LIPI: variants seen among roughly 807,000 people sequenced by gnomAD.
LIPI encodes the protein lipase I.
In LIPI, 59 loss-of-function variants were observed where a neutral mutation model predicts 50.6. The ratio of observed to expected loss-of-function variants is 1.16; its 90% CI spans 0.94 to 1.45. The LOEUF (loss-of-function observed/expected upper bound fraction) is 1.45. Among genes scored for constraint, LIPI ranks in the 40% most tolerant of loss-of-function variants. The probability of loss-of-function intolerance (pLI) is 0.00; values close to 1 mark genes in which losing one functional copy is unlikely to be tolerated. For missense variants in LIPI, 586 were observed against 536.3 expected, an observed-to-expected ratio of 1.09 and a Z score of -0.92; for synonymous variants, 203 against 178.2, an observed-to-expected ratio of 1.14 and a Z score of -1.11.
rs141548461 is a variant in LIPI, at chr21:14,186,019, C to G, written c.483G>C (p.Gly161=). The G allele has an allele frequency of 7.5e-6, 12 of 1,607,892 alleles. No individual in the cohort carries two copies. Among genetic ancestry groups the G allele is most frequent in the Non-Finnish European group, 9.4e-6 (11 of 1,174,576 alleles). The change falls in exon 3 of 10, where the codon GGG becomes GGC. Residue 161 remains glycine (G), a synonymous_variant. Coordinates refer to ENST00000681601, the MANE Select transcript of LIPI (RefSeq NM_001302998.2). ...TTCCAACAAATCCACTGATATGAGC[C>G]CCTAAGCTCACACCTATGAAATGAA... ...DNFHFIGVSL[G]AHISGFVGKI...
intron 9 of LIPI, among the ~76,000 whole-genome samples, chr21:14,141,998 C>A (rs1350666481): frequency 6.6e-6 from 1 of 152,124 alleles, no homozygotes; most frequent in South Asian, 2.1e-4. Flanking sequence ...TAATTATACT[C>A]CAACTTTACA....
At chr21:14,156,989 C>G (rs1272456628) in intron 7 of LIPI, among the ~76,000 whole-genome samples, 1 of 151,866 alleles carries the variant, frequency 6.6e-6, no homozygotes, top group Non-Finnish European at 1.5e-5. Context: ...AGAATCCTCA[C>G]TACATCGTGG....
rs1263224911 is a variant in LIPI at position 14,203,223 on chromosome 21, T to C, written c.46+7577A>G. 2.0e-5 allele frequency among the ~76,000 whole-genome samples: 3 copies of C among 152,018 alleles called. No homozygotes were observed. The South Asian group carries it at 6.2e-4, about 31-fold the overall frequency. On this transcript the variant is annotated intron_variant, in intron 1 of 9. Coordinates refer to ENST00000681601, the MANE Select transcript of LIPI (RefSeq NM_001302998.2). ...GGATGTGGAGAAATAGGAACACTTT[T>C]ACACTGTTGGTGGGACTGTAAACTA...
chr21:14,204,298 A>G (rs1029588598), intron 1 of LIPI, among the ~76,000 whole-genome samples: 2 of 151,754 alleles, frequency 1.3e-5, no homozygotes, highest in Non-Finnish European at 2.9e-5. Flanking sequence ...TTTAAAAAAG[A>G]GGTAGAAGGG....
intron 6 of LIPI, among the ~76,000 whole-genome samples, chr21:14,164,712 T>C (rs2018614250): frequency 6.6e-6 from 1 of 152,194 alleles, no homozygotes; most frequent in Non-Finnish European, 1.5e-5. Context: ...TGGCAGGTTT[T>C]AGTTATCAGA....
At chr21:14,166,523 C>CCTATAAAATCCATTGAAAGTTACT in intron 4 of LIPI, 72 bp from the exon 5 acceptor site, 5 of 799,012 alleles carry the variant, frequency 6.3e-6, no homozygotes, top group South Asian at 1.4e-5. Context: ...AACAAAATAG[C>CCTATAAAATCCATTGAAAGTTACT]CTATAAAATC....
intron 9 of LIPI, among the ~76,000 whole-genome samples, chr21:14,120,274 G>C (rs939253334): frequency 6.6e-6 from 1 of 152,194 alleles, no homozygotes; most frequent in Non-Finnish European, 1.5e-5. Context: ...GGTGGCCAAG[G>C]CCCGCCCCCT....
chr21:14,189,540 C>A lies in LIPI; in HGVS notation c.47-121G>T. ...GGATTTCATTTCATGAGCCCTTCAA[C>A]ATAATTTACTGAGCAACTGCAATGT... is the stretch of plus-strand genomic sequence containing the variant. On this transcript the variant is annotated intron_variant, in intron 1 of 9. Transcript: ENST00000681601. The A allele has an allele frequency of 3.5e-6, 3 of 852,650 alleles. No individual in the cohort carries two copies. In the South Asian group the frequency reaches 4.9e-5, roughly 14 times the overall value. The allele number at this position is 852,650 out of a possible 1,614,324, so 52.8% of individuals were successfully genotyped here.
chr21:14,149,567 G>C (rs9976076), intron 8 of LIPI, among the ~76,000 whole-genome samples: 3 of 152,064 alleles, frequency 2.0e-5, no homozygotes, highest in Non-Finnish European at 4.4e-5. Flanking sequence ...TTGAGACAAG[G>C]TTAGTCCCTT....
At chr21:14,109,174 G>T in intron 9 of LIPI, 94 bp from the exon 10 acceptor site, 2 of 934,580 alleles carry the variant, frequency 2.1e-6, no homozygotes, top group Non-Finnish European at 3.5e-6. Flanking sequence ...AATAGTCCAT[G>T]CCTGTAACTA....
chr21:14,166,280 C>T (rs2018679741), intron 5 of LIPI, 82 bp downstream of exon 5: 1 of 846,842 alleles, frequency 1.2e-6, no homozygotes, highest in Non-Finnish European at 2.0e-6. Flanking sequence ...ACACTGCCTA[C>T]AGATTAAGAG....
chr21:14,154,407 G>T (rs1030589117), intron 7 of LIPI, among the ~76,000 whole-genome samples: 1 of 152,008 alleles, frequency 6.6e-6, no homozygotes, highest in South Asian at 2.1e-4. Context: ...GACTGAGAAA[G>T]ACTACTATTG....
In LIPI at chr21:14,165,370, T is replaced by G; in HGVS notation, c.754A>C (p.Asn252His). The G allele has an allele frequency of 6.2e-7, 1 of 1,611,910 alleles. No individual in the cohort carries two copies. The highest frequency in any genetic ancestry group is 1.1e-5 in the South Asian group (1 of 90,890). The change falls in exon 6 of 10, where the codon AAC (asparagine) becomes CAC (histidine). Residue 252 changes from asparagine to histidine, a missense_variant. Transcript: ENST00000681601. ...AACAAGTGAACTGCTCTCTGGTGGT[T>G]GCATTTAATGAATTGAATTCCTTAA... ...IFSGIQFIKCNHQRAVHLFMA... is the reference protein window; with the variant it reads ...IFSGIQFIKCHHQRAVHLFMA...
intron 1 of LIPI, among the ~76,000 whole-genome samples, chr21:14,202,251 T>C (rs1025423194): frequency 2.0e-4 from 30 of 152,168 alleles, no homozygotes; most frequent in East Asian, 5.8e-4. Context: ...AAAATGGCCA[T>C]ACTGCCCAAG....
chr21:14,145,648 G>A (rs552066111), intron 8 of LIPI, among the ~76,000 whole-genome samples: 9 of 152,252 alleles, frequency 5.9e-5, no homozygotes, highest in African/African-American at 2.2e-4. Context: ...GTAGAAGGCG[G>A]AGGTGGAGGA....
chr21:14,137,439 T>C (rs2017540691), intron 9 of LIPI, among the ~76,000 whole-genome samples: 2 of 152,170 alleles, frequency 1.3e-5, no homozygotes, highest in South Asian at 4.1e-4. Flanking sequence ...AAAAATGCAG[T>C]TGGCACACTA....
Position 14,154,129 on chromosome 21 carries a change from C to T in LIPI, c.1007-1445G>A, listed in dbSNP as rs2018194727. Among the ~76,000 whole-genome samples the T allele has an allele frequency of 3.4e-5, 5 of 149,228 alleles. No homozygotes were observed. In the South Asian group the frequency reaches 1.1e-3, roughly 32 times the overall value. On this transcript the variant is annotated intron_variant, in intron 7 of 9. Transcript: ENST00000681601. The stretch of plus-strand genomic sequence containing the variant: ...GGTTTTTTTTAATTAATTTTTAATC[C>T]AGACTTGACAAACCACTGAGACTGG...
chr21:14,183,896 A>T (rs1252382069), intron 3 of LIPI, among the ~76,000 whole-genome samples: 1 of 152,230 alleles, frequency 6.6e-6, no homozygotes, highest in African/African-American at 2.4e-5. Flanking sequence ...AACTAGTTCA[A>T]CCACTGTGGA....
chr21:14,140,928 T>C (rs1024915050), intron 9 of LIPI, among the ~76,000 whole-genome samples: 3 of 152,192 alleles, frequency 2.0e-5, no homozygotes, highest in Non-Finnish European at 2.9e-5. Flanking sequence ...AGATTTTGAC[T>C]GGAGTCATGT....
Sources: allele counts gnomAD v4.1 joint callset (sites outside exome capture counted in the v4.1 genomes callset), GRCh38; gene constraint gnomAD v4.1.1; transcripts MANE v1.5; gene names NCBI Gene and HGNC (gene_info 2026-07-23, HGNC 2026-07-21).